The following PTGER4 variants were observed in gnomAD, a reference collection of about 807,000 sequenced individuals.
PTGER4 encodes prostaglandin E2 receptor EP4 subtype.
In PTGER4, 11 loss-of-function variants were observed where a neutral mutation model predicts 33.2. That is an observed-to-expected ratio of 0.33 (90% CI 0.21 to 0.55). The LOEUF is 0.55. Ranked by LOEUF, PTGER4 falls within the 20% of genes least tolerant of loss-of-function variation. PTGER4 has a pLI of 0.92. For missense variants in PTGER4, 481 were observed against 650.2 expected (o/e 0.74, Z 2.83); for synonymous variants, 275 against 281.5 (o/e 0.98, Z 0.23).
chr5:40,714,823 T>C, the PTGER4 span: 3 of 152,238 alleles, frequency 2.0e-5, no homozygotes, highest in Non-Finnish European at 4.4e-5. Context: ...CCAACAGTAG[T>C]AAGATCTTTA....
chr5:40,700,807 G>T, the PTGER4 span, among the ~76,000 whole-genome samples: 1 of 152,168 alleles, frequency 6.6e-6, no homozygotes, highest in East Asian at 1.9e-4. Flanking sequence ...AAGGGAACAT[G>T]GCTGCAACTA....
At chr5:40,706,336 G>A in the PTGER4 span, among the ~76,000 whole-genome samples, 1 of 152,058 alleles carries the variant, frequency 6.6e-6, no homozygotes, top group Non-Finnish European at 1.5e-5. Context: ...GAGTGGGGAG[G>A]GTGGCAGGGG....
chr5:40,729,960 A>G, the PTGER4 span, among the ~76,000 whole-genome samples: 12 of 152,256 alleles, frequency 7.9e-5, no homozygotes, highest in Admixed American at 7.9e-4. Flanking sequence ...CGGCCTCCCA[A>G]ATTGCTGGGA....
the PTGER4 span, among the ~76,000 whole-genome samples, chr5:40,738,758 T>C: frequency 6.6e-6 from 1 of 152,076 alleles, no homozygotes; most frequent in African/African-American, 2.4e-5. Flanking sequence ...TAGGTAATAG[T>C]ATCTCATTGT....
chr5:40,696,954 G>C (rs943109121), downstream of PTGER4, among the ~76,000 whole-genome samples: 3 of 100,974 alleles, frequency 3.0e-5, no homozygotes, highest in East Asian at 6.3e-4. Context: ...AGGAAAGAGA[G>C]AAAGAGAGAA....
the PTGER4 span, among the ~76,000 whole-genome samples, chr5:40,720,475 T>C: frequency 1.3e-5 from 2 of 152,210 alleles, no homozygotes; most frequent in African/African-American, 4.8e-5. Flanking sequence ...AACTTAAATA[T>C]ACATATGTAT....
At chr5:40,741,280 C>T in the PTGER4 span, among the ~76,000 whole-genome samples, 1 of 152,142 alleles carries the variant, frequency 6.6e-6, no homozygotes, top group Non-Finnish European at 1.5e-5. Context: ...AGCCTTCCCT[C>T]TAGGGATAGT....
chr5:40,716,553 T>C, the PTGER4 span: 1 of 1,166,376 alleles, frequency 8.6e-7, no homozygotes, highest in African/African-American at 1.5e-5. Context: ...GTATGTTTAA[T>C]ACAATCCTGT....
chr5:40,708,246 G>A, the PTGER4 span, among the ~76,000 whole-genome samples: 1 of 152,114 alleles, frequency 6.6e-6, no homozygotes, highest in African/African-American at 2.4e-5. Context: ...TCCAGGAGCT[G>A]GCTTTTTGAA....
the PTGER4 span, among the ~76,000 whole-genome samples, chr5:40,735,749 A>G: frequency 3.9e-5 from 6 of 152,222 alleles, no homozygotes; most frequent in Non-Finnish European, 5.9e-5. Context: ...GTGGAAGATG[A>G]GAGAGCAGTG....
the PTGER4 span, among the ~76,000 whole-genome samples, chr5:40,735,862 C>T: frequency 6.6e-6 from 1 of 152,028 alleles, no homozygotes. Flanking sequence ...TCACTGATAA[C>T]CTTTACAAAA....
the PTGER4 span, among the ~76,000 whole-genome samples, chr5:40,724,230 G>A: frequency 6.6e-6 from 1 of 152,182 alleles, no homozygotes; most frequent in South Asian, 2.1e-4. Flanking sequence ...CAACATGGAT[G>A]GGACTTTGAG....
intron 2 of PTGER4, among the ~76,000 whole-genome samples, chr5:40,682,908 G>A (rs562889203): frequency 1.1e-4 from 16 of 152,284 alleles, no homozygotes; most frequent in African/African-American, 3.4e-4. Flanking sequence ...TTTAAGAATT[G>A]CCTTTGGATT....
the PTGER4 span, among the ~76,000 whole-genome samples, chr5:40,722,520 C>T: frequency 4.0e-5 from 6 of 151,740 alleles, no homozygotes; most frequent in Non-Finnish European, 8.8e-5. Context: ...GCCCCACCTC[C>T]CCGTCTGGAA....
At chr5:40,688,926 G>A (rs2111805687) in intron 2 of PTGER4, among the ~76,000 whole-genome samples, 1 of 152,214 alleles carries the variant, frequency 6.6e-6, no homozygotes, top group Admixed American at 6.5e-5. Context: ...CTTGGTTAGA[G>A]GCATGTCACT....
chr5:40,720,673 CA>C, the PTGER4 span, among the ~76,000 whole-genome samples: 5 of 152,256 alleles, frequency 3.3e-5, no homozygotes, highest in African/African-American at 9.6e-5. Context: ...CAACAATTCA[CA>C]AACAAAATTC....
At chr5:40,696,994 G>A (rs1010234573), downstream of PTGER4, among the ~76,000 whole-genome samples, 3 of 138,230 alleles carry the variant, frequency 2.2e-5, no homozygotes, top group African/African-American at 5.4e-5. Context: ...GAGAGAAAGA[G>A]AAAGGGAAAG....
At chr5:40,722,439 G>C in the PTGER4 span, among the ~76,000 whole-genome samples, 4 of 150,086 alleles carry the variant, frequency 2.7e-5, no homozygotes, top group Non-Finnish European at 5.9e-5. Context: ...CTTCCCGGCC[G>C]TCATCCAGTC....
the PTGER4 span, among the ~76,000 whole-genome samples, chr5:40,730,884 C>T: frequency 6.6e-6 from 1 of 152,106 alleles, no homozygotes; most frequent in East Asian, 1.9e-4. Context: ...TATAATTTAA[C>T]ACCCATTTCT....
Sources: allele counts gnomAD v4.1 joint callset (sites outside exome capture counted in the v4.1 genomes callset), GRCh38; gene constraint gnomAD v4.1.1; transcripts MANE v1.5; gene names NCBI Gene and HGNC (gene_info 2026-07-23, HGNC 2026-07-21).